The following CDHR3 variants were observed in gnomAD, a reference collection of about 807,000 sequenced individuals.
CDHR3 encodes cadherin-related family member 3.
A neutral mutation model predicts 86.6 loss-of-function variants in CDHR3; 79 were observed. That is an observed-to-expected ratio of 0.91 (90% CI 0.76 to 1.10). The LOEUF (loss-of-function observed/expected upper bound fraction) is 1.10, where lower values mean the gene tolerates loss of function less well. CDHR3 is among the 50% of genes least tolerant of loss of function. The pLI, the probability that CDHR3 is intolerant of heterozygous loss-of-function variation, is 0.00. For missense variants in CDHR3, 1,081 were observed against 1,077.6 expected (o/e 1.00, Z -0.04); for synonymous variants, 421 against 402.4 (o/e 1.05, Z -0.55).
At chr7:106,028,341 TTG>T (rs148933702) in intron 16 of CDHR3, 266 of 602,628 alleles carry the variant, frequency 4.4e-4, no homozygotes, top group Admixed American at 1.3e-3. Context: ...TCGTATGTTA[TTG>T]TGTGTGTGTG....
intron 4 of CDHR3, among the ~76,000 whole-genome samples, chr7:105,988,385 C>CA (rs1830836289): frequency 1.3e-5 from 2 of 152,186 alleles, no homozygotes; most frequent in Admixed American, 1.3e-4. Flanking sequence ...CAGAGTTTAA[C>CA]AAAACACTAA....
At chr7:105,997,604 C>A (rs1832451411) in intron 6 of CDHR3, among the ~76,000 whole-genome samples, 1 of 152,090 alleles carries the variant, frequency 6.6e-6, no homozygotes, top group Non-Finnish European at 1.5e-5. Context: ...CTTCAAGAAC[C>A]CCCAGAGGAA....
In CDHR3 at chr7:105,980,623, A is replaced by AT. The variant is rs55880404; in HGVS notation, c.250-330dup. 1.3e-3 allele frequency among the ~76,000 whole-genome samples: 137 copies of AT among 108,112 alleles called. 2 individuals carry two copies. Among genetic ancestry groups the AT allele is most frequent in the African/African-American group, 3.7e-3 (99 of 26,570 alleles). The allele number at this position is 108,112 out of a possible 152,430, so 70.9% of individuals were successfully genotyped here. On this transcript the variant is annotated intron_variant, in intron 2 of 18. Coordinates refer to ENST00000317716, the MANE Select transcript of CDHR3 (RefSeq NM_152750.5). ...TTTTTTTTAATTTTTTTTTTTTTTA[A>AT]TTTTTTTTTTTTTTTATTATACTCT... is the stretch of plus-strand genomic sequence containing the variant.
At chr7:106,031,537 G>A (rs1838364308) in intron 18 of CDHR3, among the ~76,000 whole-genome samples, 1 of 152,242 alleles carries the variant, frequency 6.6e-6, no homozygotes, top group Admixed American at 6.5e-5. Context: ...TCCTCCTAAG[G>A]AGGATGGCTC....
chr7:105,989,222 CCA>C (rs1563251234), intron 4 of CDHR3, among the ~76,000 whole-genome samples: 8 of 137,938 alleles, frequency 5.8e-5, no homozygotes, highest in African/African-American at 2.2e-4. Flanking sequence ...ACCCACCCCC[CCA>C]CCTCTTCTCC....
intron 15 of CDHR3, among the ~76,000 whole-genome samples, chr7:106,025,875 TA>T (rs910554762): frequency 7.9e-5 from 12 of 152,190 alleles, no homozygotes; most frequent in African/African-American, 2.6e-4. Flanking sequence ...TTGATTTTTT[TA>T]AAAAAAAACA....
intron 8 of CDHR3, among the ~76,000 whole-genome samples, chr7:106,010,822 G>C (rs781536106): frequency 6.6e-6 from 1 of 152,224 alleles, no homozygotes; most frequent in Non-Finnish European, 1.5e-5. Context: ...ATCAGATCAT[G>C]ATGCAAGGCT....
At chr7:106,012,146 G>A (rs1056631119) in intron 8 of CDHR3, among the ~76,000 whole-genome samples, 9 of 152,094 alleles carry the variant, frequency 5.9e-5, no homozygotes, top group African/African-American at 2.2e-4. Flanking sequence ...TATTGAGTGT[G>A]CCAAGAAAAA....
intron 8 of CDHR3, among the ~76,000 whole-genome samples, chr7:106,007,334 C>A (rs1199453565): frequency 6.6e-6 from 1 of 152,232 alleles, no homozygotes. Context: ...TAAATTTCTG[C>A]AGCTGTCTTG....
intron 1 of CDHR3, 90 bp from the exon 2 acceptor site, chr7:105,974,754 C>A: frequency 1.0e-6 from 1 of 984,948 alleles, no homozygotes; most frequent in Non-Finnish European, 1.6e-6. Flanking sequence ...CCCTGAGCTA[C>A]GAATTGAAGC....
chr7:106,020,644 G>A, intron 13 of CDHR3, 100 bp downstream of exon 13: 2 of 1,347,912 alleles, frequency 1.5e-6, no homozygotes, highest in Non-Finnish European at 2.0e-6. Context: ...GGCAAAGTGG[G>A]ATGGGAGTTG....
At chr7:106,029,900 A>T (rs139878229) in intron 17 of CDHR3, among the ~76,000 whole-genome samples, 1 of 152,334 alleles carries the variant, frequency 6.6e-6, no homozygotes, top group East Asian at 1.9e-4. Flanking sequence ...AGAACTATGT[A>T]ATATTAAATT....
intron 7 of CDHR3, among the ~76,000 whole-genome samples, chr7:106,004,120 A>T (rs1298345573): frequency 6.6e-6 from 1 of 152,108 alleles, no homozygotes; most frequent in Admixed American, 6.5e-5. Context: ...TGCTCCAGGG[A>T]CCTTGGTTCT....
intron 17 of CDHR3, among the ~76,000 whole-genome samples, chr7:106,029,884 TG>T (rs1014125651): frequency 1.1e-4 from 17 of 152,242 alleles, no homozygotes; most frequent in African/African-American, 4.1e-4. Context: ...ACTTAGCGAT[TG>T]CTCTAGAACT....
At chr7:106,029,616 G>A (rs1838033798) in intron 17 of CDHR3, among the ~76,000 whole-genome samples, 1 of 151,804 alleles carries the variant, frequency 6.6e-6, no homozygotes, top group Admixed American at 6.5e-5. Flanking sequence ...GAAGTGAAGT[G>A]AAGGAACTTG....
At chr7:105,978,361 C>A (rs1829140988) in intron 2 of CDHR3, among the ~76,000 whole-genome samples, 2 of 152,220 alleles carry the variant, frequency 1.3e-5, no homozygotes, top group African/African-American at 4.8e-5. Context: ...GCCCCTCTTT[C>A]ATTTGTCCAT....
intron 13 of CDHR3, among the ~76,000 whole-genome samples, chr7:106,021,210 C>T (rs1414245716): frequency 6.6e-6 from 1 of 152,080 alleles, no homozygotes; most frequent in African/African-American, 2.4e-5. Flanking sequence ...CAAAATAGCT[C>T]ATCTAATGAA....
In CDHR3 at chr7:106,026,840, G is replaced by A. The variant is rs555288590; in HGVS notation, c.2272+145G>A. 1.0e-4 allele frequency: 89 copies of A among 873,706 alleles called. No homozygotes were observed. In the East Asian group the frequency reaches 2.0e-3, roughly 20 times the overall value. 54.1% of individuals were successfully genotyped at this position (873,706 alleles called of 1,614,324 possible). A position where few individuals can be genotyped will look rare whatever the true frequency, so the allele number is the denominator to read the frequency against. ...GCATCTTCTGTGGCTGGAAGGAAGC[G>A]GAGGTCGGTTGCAGCTGGAGAATGG... On this transcript the variant is annotated intron_variant, in intron 16 of 18. Transcript: ENST00000317716.
At chr7:106,000,653 A>T (rs562733090) in intron 6 of CDHR3, among the ~76,000 whole-genome samples, 1 of 152,270 alleles carries the variant, frequency 6.6e-6, no homozygotes, top group East Asian at 1.9e-4. Flanking sequence ...AGCATTCAAA[A>T]TTACTCAATG....
Sources: gnomAD v4.1 joint callset for allele counts (sites outside exome capture counted in the v4.1 genomes callset) on GRCh38, gnomAD v4.1.1 for gene constraint, MANE v1.5 for transcripts, NCBI Gene and HGNC (gene_info 2026-07-23, HGNC 2026-07-21) for gene names.